CNTNAP2: variants seen among roughly 807,000 people sequenced by gnomAD.
CNTNAP2 encodes contactin-associated protein-like 2.
In CNTNAP2, 98 loss-of-function variants were observed where a neutral mutation model predicts 155.2. The observed-to-expected ratio is 0.63, with a 90% confidence interval of 0.54 to 0.75. The LOEUF is 0.75. Ranked by LOEUF, CNTNAP2 falls within the 30% of genes least tolerant of loss-of-function variation. The pLI is 0.00. For missense variants in CNTNAP2, 1,727 were observed against 1,688.1 expected (o/e 1.02, Z -0.40); for synonymous variants, 651 against 631.2 (o/e 1.03, Z -0.47).
At chr7:146,214,582 T>C (rs1180877373) in intron 1 of CNTNAP2, among the ~76,000 whole-genome samples, 2 of 152,134 alleles carry the variant, frequency 1.3e-5, no homozygotes, top group African/African-American at 2.4e-5. Flanking sequence ...TGAAATAAAA[T>C]ACACTGAGGA....
At chr7:147,156,588 A>G (rs1801930148) in intron 8 of CNTNAP2, among the ~76,000 whole-genome samples, 1 of 152,152 alleles carries the variant, frequency 6.6e-6, no homozygotes, top group Non-Finnish European at 1.5e-5. Flanking sequence ...ATGTGCTGTC[A>G]TTGATGTCAT....
chr7:147,745,345 A>G (rs556274942), intron 13 of CNTNAP2, among the ~76,000 whole-genome samples: 31 of 152,206 alleles, frequency 2.0e-4, no homozygotes, highest in Non-Finnish European at 3.4e-4. Context: ...CTTCCTCTCC[A>G]GTTCAAGTAT....
intron 8 of CNTNAP2, among the ~76,000 whole-genome samples, chr7:147,184,532 G>T (rs1187529551): frequency 2.0e-5 from 3 of 152,128 alleles, no homozygotes; most frequent in Non-Finnish European, 4.4e-5. Context: ...AGAACAAAAT[G>T]ACTGAACCAG....
rs1313312436 is a variant in CNTNAP2 at position 148,243,003 on chromosome 7, G to A, written c.3381+13224G>A. Among the ~76,000 whole-genome samples the A allele has an allele frequency of 3.3e-5, 5 of 152,186 alleles. No homozygotes were observed. The East Asian group carries it at 9.6e-4, about 29-fold the overall frequency. ...AAACCCCCCCTTTGTGGGTAGAAGA[G>A]AAGGTCTGGGCTGGCAGCTCAAGAG... On this transcript the variant is annotated intron_variant, in intron 20 of 23. Transcript: ENST00000361727.
Position 148,098,444 on chromosome 7 carries a change from G to GAAAAAAAAAAA in CNTNAP2, c.2384-19659_2384-19649dup, listed in dbSNP as rs61014019. On this transcript the variant is annotated intron_variant, in intron 15 of 23. Transcript: ENST00000361727. ...GGTGACAGAGCGAGACTCTGTCTCA[G>GAAAAAAAAAAA]AAAAAAAAAAAAAAAAAAAAAAAAA... 1.2e-4 allele frequency among the ~76,000 whole-genome samples: 7 copies of GAAAAAAAAAAA among 56,406 alleles called. 1 individual carries two copies. The highest frequency in any genetic ancestry group is 3.2e-4 in the African/African-American group (4 of 12,484). The allele number at this position is 56,406 out of a possible 152,430, so 37.0% of individuals were successfully genotyped here. A position where few individuals can be genotyped will look rare whatever the true frequency, so the allele number is the denominator to read the frequency against.
intron 13 of CNTNAP2, among the ~76,000 whole-genome samples, chr7:147,732,388 A>G (rs957298800): frequency 6.6e-6 from 1 of 152,162 alleles, no homozygotes; most frequent in African/African-American, 2.4e-5. Flanking sequence ...ATGGCTGCAT[A>G]GTATTCCATG....
chr7:146,932,191 A>C (rs1453282518), intron 3 of CNTNAP2, among the ~76,000 whole-genome samples: 6 of 152,256 alleles, frequency 3.9e-5, no homozygotes, highest in Non-Finnish European at 7.3e-5. Context: ...ATCCTCAAAA[A>C]AATATTGGCA....
rs141614732 is a variant in CNTNAP2, at chr7:146,949,158, G to A, written c.403-94749G>A. ...TCTTTGCATATCAGGATACATAGAA[G>A]GAAAGATAAAACAATTTTGAAAGCC... On this transcript the variant is annotated intron_variant, in intron 3 of 23. Coordinates refer to ENST00000361727, the MANE Select transcript of CNTNAP2 (RefSeq NM_014141.6). Among the ~76,000 whole-genome samples the A allele has an allele frequency of 5.4e-3, 823 of 152,204 alleles. 9 individuals are homozygous for A. The highest frequency in any genetic ancestry group is 0.019 in the African/African-American group (778 of 41,520).
At chr7:147,598,829 G>A (rs1800880985) in intron 12 of CNTNAP2, among the ~76,000 whole-genome samples, 1 of 152,090 alleles carries the variant, frequency 6.6e-6, no homozygotes, top group African/African-American at 2.4e-5. Context: ...GAGTTCTCAT[G>A]AGAGCTGATG....
intron 13 of CNTNAP2, among the ~76,000 whole-genome samples, chr7:147,719,975 C>T (rs960035048): frequency 2.0e-5 from 3 of 152,088 alleles, no homozygotes; most frequent in Admixed American, 1.3e-4. Context: ...ACACACCCAC[C>T]TTGTACATTT....
intron 20 of CNTNAP2, among the ~76,000 whole-genome samples, chr7:148,252,893 T>C (rs1355128060): frequency 6.6e-6 from 1 of 152,076 alleles, no homozygotes; most frequent in Non-Finnish European, 1.5e-5. Context: ...AGTCAGGTGC[T>C]CAACAGATGC....
At chr7:147,329,805 T>C (rs2116838625) in intron 9 of CNTNAP2, among the ~76,000 whole-genome samples, 1 of 152,294 alleles carries the variant, frequency 6.6e-6, no homozygotes, top group South Asian at 2.1e-4. Context: ...CCTCTACTCT[T>C]TTGTTAGGTC....
At chr7:147,799,882 T>C (rs1336576882) in intron 13 of CNTNAP2, among the ~76,000 whole-genome samples, 1 of 152,222 alleles carries the variant, frequency 6.6e-6, no homozygotes, top group African/African-American at 2.4e-5. Context: ...GGCAGAATAC[T>C]ATTTTCCTCT....
intron 13 of CNTNAP2, among the ~76,000 whole-genome samples, chr7:147,768,468 T>C (rs1317838255): frequency 3.3e-5 from 5 of 152,150 alleles, no homozygotes; most frequent in Admixed American, 2.0e-4. Context: ...TTAATGCATA[T>C]AGATTGATTG....
intron 15 of CNTNAP2, among the ~76,000 whole-genome samples, chr7:148,091,300 T>C (rs535363171): frequency 2.6e-5 from 4 of 152,364 alleles, no homozygotes; most frequent in African/African-American, 9.6e-5. Flanking sequence ...CAATGTGTAC[T>C]GTGTATGTAC....
At chr7:146,667,102 G>T (rs1234614892) in intron 1 of CNTNAP2, among the ~76,000 whole-genome samples, 2 of 152,066 alleles carry the variant, frequency 1.3e-5, no homozygotes, top group Non-Finnish European at 2.9e-5. Context: ...TGCCTCCAGA[G>T]ATCTTATAAT....
intron 1 of CNTNAP2, among the ~76,000 whole-genome samples, chr7:146,738,576 A>G (rs990215206): frequency 3.3e-5 from 5 of 151,756 alleles, no homozygotes; most frequent in Admixed American, 3.3e-4. Context: ...CATATCTAAA[A>G]AGTTTTATTG....
chr7:148,019,990 G>T (rs1802253221), intron 15 of CNTNAP2, among the ~76,000 whole-genome samples: 1 of 151,944 alleles, frequency 6.6e-6, no homozygotes, highest in Admixed American at 6.6e-5. Context: ...TCACCATGTT[G>T]GTCAGTCTGT....
intron 13 of CNTNAP2, among the ~76,000 whole-genome samples, chr7:147,713,987 A>T (rs554187677): frequency 2.0e-5 from 3 of 152,168 alleles, no homozygotes; most frequent in Admixed American, 6.6e-5. Flanking sequence ...CAGATCATTA[A>T]TACTACTCTC....
Sources: allele counts gnomAD v4.1 joint callset (sites outside exome capture counted in the v4.1 genomes callset), GRCh38; gene constraint gnomAD v4.1.1; transcripts MANE v1.5; gene names NCBI Gene and HGNC (gene_info 2026-07-23, HGNC 2026-07-21).